The following AASS variants were observed in gnomAD, a reference collection of about 807,000 sequenced individuals.
The protein encoded by AASS is alpha-aminoadipic semialdehyde synthase, mitochondrial.
A neutral mutation model predicts 105.4 loss-of-function variants in AASS; 86 were observed. That is an observed-to-expected ratio of 0.82 (90% CI 0.69 to 0.98). The LOEUF (loss-of-function observed/expected upper bound fraction) is 0.98, where lower values mean the gene tolerates loss of function less well. AASS is among the 50% of genes least tolerant of loss of function. AASS has a pLI of 0.00. For missense variants in AASS, 1,048 were observed against 1,143.2 expected, an observed-to-expected ratio of 0.92 and a Z score of 1.20; for synonymous variants, 381 against 394.8, an observed-to-expected ratio of 0.96 and a Z score of 0.41.
Position 122,076,350 on chromosome 7 carries a change from T to G in AASS, c.*139A>C. The G allele has an allele frequency of 1.4e-6, 1 of 693,342 alleles. No homozygotes were observed. The highest frequency in any genetic ancestry group is 1.8e-5 in the African/African-American group (1 of 56,176). The allele number at this position is 693,342 out of a possible 1,614,324, so 42.9% of individuals were successfully genotyped here. On this transcript the variant is annotated 3_prime_UTR_variant, in exon 24 of 24. Transcript: ENST00000417368. ...ACATTTCCATATTAAAATAAAGATT[T>G]ATAGTTCAAAAAGTACATTGTGTTA...
chr7:122,126,508 T>C lies in AASS; in HGVS notation c.388-49A>G, dbSNP rs1430905079. ...CAACTGGACCCATTAAGCTTAATTT[T>C]AACAAGTAAAGACATATATGAGCAA... On this transcript the variant is annotated intron_variant, in intron 3 of 23. Coordinates refer to ENST00000417368, the MANE Select transcript of AASS (RefSeq NM_005763.4). 4 of 1,468,228 alleles carry C rather than the reference T, an allele frequency of 2.7e-6. No homozygotes were observed. In the South Asian group the frequency reaches 4.5e-5, roughly 17 times the overall value. The allele number at this position is 1,468,228 out of a possible 1,614,324, so 91.0% of individuals were successfully genotyped here.
chr7:122,091,627 G>T lies in AASS; in HGVS notation c.2016+76C>A, dbSNP rs528718633. ...CAGCATCACCATTATTAAAGGGTTT[G>T]GGATCAGGGAGTATTTAGACTGTCT... On this transcript the variant is annotated intron_variant, in intron 18 of 23. Transcript: ENST00000417368. 2.5e-6 allele frequency: 4 copies of T among 1,606,480 alleles called. No homozygotes were observed. In the Admixed American group the frequency reaches 5.0e-5, roughly 20 times the overall value.
intron 2 of AASS, 112 bp from the exon 3 acceptor site, chr7:122,129,649 T>C: frequency 1.0e-6 from 1 of 970,556 alleles, no homozygotes; most frequent in Admixed American, 1.9e-5. Flanking sequence ...ATAAAATCTG[T>C]ATGAATTAGA....
At chr7:122,111,290 C>T (rs1449852804) in intron 11 of AASS, among the ~76,000 whole-genome samples, 1 of 151,990 alleles carries the variant, frequency 6.6e-6, no homozygotes, top group Non-Finnish European at 1.5e-5. Flanking sequence ...AAAAAGAACC[C>T]AATGGAAATT....
intron 13 of AASS, among the ~76,000 whole-genome samples, chr7:122,099,749 CA>C (rs1402067855): frequency 2.0e-5 from 3 of 151,460 alleles, no homozygotes; most frequent in Non-Finnish European, 4.4e-5. Context: ...AACATTAACC[CA>C]AAAAACTTTT....
intron 11 of AASS, among the ~76,000 whole-genome samples, chr7:122,107,969 A>C (rs1344692886): frequency 7.2e-6 from 1 of 138,830 alleles, no homozygotes; most frequent in African/African-American, 2.7e-5. Flanking sequence ...AAAAAAAAAC[A>C]CAGATGAAAA....
In AASS at chr7:122,129,569, T is replaced by C. The variant is rs746373236; in HGVS notation, c.211-32A>G. ...TTGTAATTATGATTAAAGGTTATTATCCTGATTTGTAATATCCATGTTTTC... is the reference window on the plus strand; with the variant it reads ...TTGTAATTATGATTAAAGGTTATTACCCTGATTTGTAATATCCATGTTTTC... On this transcript the variant is annotated intron_variant, in intron 2 of 23. Transcript: ENST00000417368. 4.4e-6 allele frequency: 7 copies of C among 1,602,460 alleles called. No homozygotes were observed. The South Asian group carries it at 5.5e-5, about 13-fold the overall frequency.
chr7:122,142,705 T>C lies in AASS; in HGVS notation c.-16+1456A>G, dbSNP rs530400023. Among the ~76,000 whole-genome samples the C allele has an allele frequency of 5.1e-4, 77 of 152,292 alleles. 1 individual carries two copies. The highest frequency in any genetic ancestry group is 1.8e-3 in the African/African-American group (76 of 41,566). On this transcript the variant is annotated intron_variant, in intron 1 of 23. Coordinates refer to ENST00000417368, the MANE Select transcript of AASS (RefSeq NM_005763.4). ...GATTTCATGAATTGCATAGAATCTTTTGTAGCCTTCCCAAGAAAACTTACC... is the reference window on the plus strand; with the variant it reads ...GATTTCATGAATTGCATAGAATCTTCTGTAGCCTTCCCAAGAAAACTTACC...
chr7:122,107,663 C>T (rs1451372675), intron 11 of AASS, among the ~76,000 whole-genome samples: 8 of 152,128 alleles, frequency 5.3e-5, no homozygotes, highest in Non-Finnish European at 1.0e-4. Flanking sequence ...AAACCAAATA[C>T]TGCATGCTCT....
chr7:122,136,807 C>T (rs1447743064), intron 1 of AASS, among the ~76,000 whole-genome samples: 4 of 152,188 alleles, frequency 2.6e-5, no homozygotes. Flanking sequence ...TCCCTCCCCT[C>T]TAGCCCAAGC....
At chr7:122,137,720 T>C (rs976924435) in intron 1 of AASS, among the ~76,000 whole-genome samples, 5 of 152,232 alleles carry the variant, frequency 3.3e-5, no homozygotes, top group African/African-American at 1.2e-4. Flanking sequence ...TGCAGGTGTC[T>C]AGTATTTCAT....
At chr7:122,107,469 G>A (rs1427927602) in intron 11 of AASS, among the ~76,000 whole-genome samples, 2 of 152,052 alleles carry the variant, frequency 1.3e-5, no homozygotes, top group Non-Finnish European at 2.9e-5. Flanking sequence ...GCTCATTGGA[G>A]CGCTATTGTA....
chr7:122,093,113 G>A lies in AASS; in HGVS notation c.1701C>T (p.Ile567=), dbSNP rs561460180. ...VLHPLVAKAC[I]TNKVNMVTAS... ...CAGTGACCATGTTAACTTTGTTTGT[G>A]ATGCAGGCCTTGGCCACAAGAGGGT... The change falls in exon 16 of 24, where the codon ATC becomes ATT. Residue 567 remains isoleucine, a synonymous_variant. Coordinates refer to ENST00000417368, the MANE Select transcript of AASS (RefSeq NM_005763.4). 4.5e-5 allele frequency: 73 copies of A among 1,613,944 alleles called. 1 individual carries two copies. The South Asian group carries it at 7.7e-4, about 17-fold the overall frequency.
chr7:122,132,834 G>A (rs1327439183), intron 2 of AASS, among the ~76,000 whole-genome samples: 2 of 152,044 alleles, frequency 1.3e-5, no homozygotes, highest in African/African-American at 4.8e-5. Flanking sequence ...ATCAGAAAGG[G>A]ATGTGCTGTT....
chr7:122,142,589 G>A (rs1340893235), intron 1 of AASS, among the ~76,000 whole-genome samples: 4 of 152,104 alleles, frequency 2.6e-5, no homozygotes, highest in Middle Eastern at 3.4e-3. Flanking sequence ...AGTGAAATAG[G>A]GATGCATCTT....
At chr7:122,083,225 C>G (rs1337816383) in intron 19 of AASS, among the ~76,000 whole-genome samples, 1 of 152,124 alleles carries the variant, frequency 6.6e-6, no homozygotes, top group Non-Finnish European at 1.5e-5. Flanking sequence ...AAAAAGAATT[C>G]TCATTTGCTC....
chr7:122,114,468 T>C (rs1206593664), intron 9 of AASS, among the ~76,000 whole-genome samples: 1 of 152,172 alleles, frequency 6.6e-6, no homozygotes, highest in African/African-American at 2.4e-5. Flanking sequence ...AATTAATTAA[T>C]TCAATATTTA....
At chr7:122,094,225 G>A (rs761031798) in intron 15 of AASS, among the ~76,000 whole-genome samples, 2 of 152,128 alleles carry the variant, frequency 1.3e-5, no homozygotes, top group Non-Finnish European at 2.9e-5. Context: ...ATGTGCACAT[G>A]TAACCCCTGA....
At chr7:122,083,089 C>A (rs1464945633) in intron 19 of AASS, among the ~76,000 whole-genome samples, 2 of 151,916 alleles carry the variant, frequency 1.3e-5, no homozygotes, top group Non-Finnish European at 1.5e-5. Flanking sequence ...TTCTAGGGAG[C>A]AACAGAGGTT....
Sources: allele counts gnomAD v4.1 joint callset (sites outside exome capture counted in the v4.1 genomes callset), GRCh38; gene constraint gnomAD v4.1.1; transcripts MANE v1.5; gene names NCBI Gene and HGNC (gene_info 2026-07-23, HGNC 2026-07-21).